Variants in GRID2 observed in about 807,000 individuals in gnomAD.
GRID2 encodes glutamate receptor ionotropic, delta-2.
GRID2 carries 33 observed loss-of-function variants against 114.8 expected under a neutral mutation model. The ratio of observed to expected loss-of-function variants is 0.29; its 90% CI spans 0.22 to 0.38. The LOEUF (loss-of-function observed/expected upper bound fraction) is 0.38, where lower values mean the gene tolerates loss of function less well. GRID2 is among the 10% of genes least tolerant of loss of function. GRID2 has a pLI of 1.00. For missense variants in GRID2, 1,184 were observed against 1,257.7 expected (o/e 0.94, Z 0.89); for synonymous variants, 505 against 449.9 (o/e 1.12, Z -1.55).
Position 92,770,810 on chromosome 4 carries a change from G to T in GRID2, c.244+180524G>T, listed in dbSNP as rs78800303. Among the ~76,000 whole-genome samples, 1,159 of 152,198 alleles carry T rather than the reference G, an allele frequency of 7.6e-3. 10 individuals are homozygous for T. Among genetic ancestry groups the T allele is most frequent in the African/African-American group, 0.027 (1,104 of 41,546 alleles). On this transcript the variant is annotated intron_variant, in intron 2 of 15. Transcript: ENST00000282020. ...CCTCCCACGACACCTCGGAATTGTG[G>T]GAGTTACAACTCAAGATAAGATTTG...
At chr4:92,669,101 C>G (rs1160362001) in intron 2 of GRID2, among the ~76,000 whole-genome samples, 1 of 151,610 alleles carries the variant, frequency 6.6e-6, no homozygotes, top group Admixed American at 6.6e-5. Context: ...ACATTTTCTG[C>G]CTTTGAAAAA....
At chr4:93,371,746 T>C (rs904703049) in intron 8 of GRID2, among the ~76,000 whole-genome samples, 2 of 137,438 alleles carry the variant, frequency 1.5e-5, no homozygotes, top group South Asian at 2.4e-4. Context: ...TATTTCTTTT[T>C]TTTTTTTTTT....
At chr4:92,627,425 A>G (rs1730577089) in intron 2 of GRID2, among the ~76,000 whole-genome samples, 1 of 152,054 alleles carries the variant, frequency 6.6e-6, no homozygotes, top group South Asian at 2.1e-4. Context: ...TATGTTATAT[A>G]TATGTGTTTA....
At chr4:93,664,637 A>G (rs1381660025) in intron 14 of GRID2, among the ~76,000 whole-genome samples, 1 of 152,124 alleles carries the variant, frequency 6.6e-6, no homozygotes, top group Non-Finnish European at 1.5e-5. Flanking sequence ...CAGGAAGAAT[A>G]TTTTGGGGTG....
chr4:93,569,412 A>G (rs561297639), intron 13 of GRID2, among the ~76,000 whole-genome samples: 4 of 152,194 alleles, frequency 2.6e-5, no homozygotes, highest in Admixed American at 6.5e-5. Context: ...TCCAAATTAC[A>G]TCCCAAATCC....
intron 2 of GRID2, among the ~76,000 whole-genome samples, chr4:92,616,812 T>C (rs1056739075): frequency 1.3e-5 from 2 of 151,678 alleles, no homozygotes; most frequent in Admixed American, 6.6e-5. Flanking sequence ...TTGATATTTG[T>C]TAATATTTTT....
chr4:93,303,012 G>C (rs1579603236), intron 8 of GRID2, among the ~76,000 whole-genome samples: 1 of 152,284 alleles, frequency 6.6e-6, no homozygotes, highest in South Asian at 2.1e-4. Context: ...GCATGGCTGG[G>C]GAGGCCTCAG....
In GRID2 at chr4:93,024,823, T is replaced by A. The variant is rs559154851; in HGVS notation, c.245-60172T>A. Among the ~76,000 whole-genome samples the A allele has an allele frequency of 4.6e-5, 7 of 151,860 alleles. No homozygotes were observed. The East Asian group carries it at 1.2e-3, about 25-fold the overall frequency. On this transcript the variant is annotated intron_variant, in intron 2 of 15. Transcript: ENST00000282020. Reference sequence around the variant, plus strand: ...CACACTGAAACAAAATTATAAAGATTACATTAACATGGCATTATTTCTTTG... The same window carrying A: ...CACACTGAAACAAAATTATAAAGATAACATTAACATGGCATTATTTCTTTG...
chr4:92,649,793 C>G (rs551950310), intron 2 of GRID2, among the ~76,000 whole-genome samples: 13 of 152,110 alleles, frequency 8.5e-5, no homozygotes, highest in East Asian at 3.9e-4. Context: ...AATTTTTACT[C>G]TTGATATCTC....
chr4:92,705,545 T>C lies in GRID2; in HGVS notation c.244+115259T>C, dbSNP rs200519844. On this transcript the variant is annotated intron_variant, in intron 2 of 15. Coordinates refer to ENST00000282020, the MANE Select transcript of GRID2 (RefSeq NM_001510.4). ...TTTAAAGTATCAGAATTGTACTCTG[T>C]AGAAGCTTGTTGAATGTTAGAAATA... Among the ~76,000 whole-genome samples the C allele has an allele frequency of 7.2e-5, 11 of 152,318 alleles. No individual in the cohort carries two copies. The East Asian group carries it at 1.9e-3, about 27-fold the overall frequency.
chr4:92,367,783 ATC>A (rs1440363541), intron 1 of GRID2, among the ~76,000 whole-genome samples: 1 of 152,018 alleles, frequency 6.6e-6, no homozygotes, highest in African/African-American at 2.4e-5. Flanking sequence ...CAGGTGAAAA[ATC>A]TCTGTTTGAT....
chr4:93,351,971 C>T (rs981575904), intron 8 of GRID2, among the ~76,000 whole-genome samples: 3 of 151,988 alleles, frequency 2.0e-5, no homozygotes, highest in African/African-American at 7.2e-5. Flanking sequence ...CACTTTCATT[C>T]ATCCTCTATG....
At chr4:93,351,060 G>A (rs973895605) in intron 8 of GRID2, among the ~76,000 whole-genome samples, 4 of 149,406 alleles carry the variant, frequency 2.7e-5, no homozygotes, top group Non-Finnish European at 5.9e-5. Context: ...ACTACCACAA[G>A]AACAGTATGA....
chr4:93,612,693 A>G (rs61947213), intron 13 of GRID2, among the ~76,000 whole-genome samples: 1 of 103,074 alleles, frequency 9.7e-6, no homozygotes, highest in Non-Finnish European at 2.1e-5. Flanking sequence ...TGTTAGTCTG[A>G]TGGGCTTCCC....
intron 13 of GRID2, among the ~76,000 whole-genome samples, chr4:93,583,677 T>C (rs1015211265): frequency 6.6e-6 from 1 of 152,092 alleles, no homozygotes; most frequent in Non-Finnish European, 1.5e-5. Context: ...CAGAATCAGA[T>C]ATAACAAAAT....
At chr4:93,250,046 A>G (rs1748677831) in intron 8 of GRID2, among the ~76,000 whole-genome samples, 1 of 152,128 alleles carries the variant, frequency 6.6e-6, no homozygotes, top group Non-Finnish European at 1.5e-5. Context: ...ACATGCACAC[A>G]TATTTTTATT....
chr4:93,749,469 C>T (rs1732126886), intron 14 of GRID2, among the ~76,000 whole-genome samples: 1 of 152,158 alleles, frequency 6.6e-6, no homozygotes, highest in African/African-American at 2.4e-5. Context: ...GCTGGCCTGC[C>T]ACTCATTGCC....
intron 11 of GRID2, among the ~76,000 whole-genome samples, chr4:93,464,361 A>G (rs778700117): frequency 3.9e-5 from 6 of 152,222 alleles, no homozygotes; most frequent in Non-Finnish European, 7.3e-5. Flanking sequence ...GAAACTGACC[A>G]GAGCCTTCAA....
chr4:93,240,604 G>A (rs969743880), intron 8 of GRID2, among the ~76,000 whole-genome samples: 1 of 150,478 alleles, frequency 6.6e-6, no homozygotes, highest in Non-Finnish European at 1.5e-5. Flanking sequence ...AAATTTAGAG[G>A]AACTATGAAT....
Sources: gnomAD v4.1 joint callset for allele counts (sites outside exome capture counted in the v4.1 genomes callset) on GRCh38, gnomAD v4.1.1 for gene constraint, MANE v1.5 for transcripts, NCBI Gene and HGNC (gene_info 2026-07-23, HGNC 2026-07-21) for gene names.